Variants in RNF212B observed in about 807,000 individuals in gnomAD.
The protein encoded by RNF212B is ring finger protein 212B, also known as E3 ubiquitin-protein ligase RNF212B.
In RNF212B, 52 loss-of-function variants were observed where a neutral mutation model predicts 55.5. The ratio of observed to expected loss-of-function variants is 0.94; its 90% CI spans 0.75 to 1.18. The LOEUF (loss-of-function observed/expected upper bound fraction) is 1.18, where lower values mean the gene tolerates loss of function less well. Among genes scored for constraint, RNF212B ranks in the 50% most tolerant of loss-of-function variants. The pLI is 0.00. For synonymous variants in RNF212B, 99 were observed against 121.4 expected (o/e 0.82, Z 1.21); for missense variants, 289 against 350.4 (o/e 0.82, Z 1.40).
chr14:23,259,106 C>T (rs1259492411), intron 5 of RNF212B, among the ~76,000 whole-genome samples: 2 of 150,920 alleles, frequency 1.3e-5, no homozygotes, highest in Non-Finnish European at 1.5e-5. Flanking sequence ...GCCAGAAGAT[C>T]GTTTGAGCCC....
upstream of RNF212B, among the ~76,000 whole-genome samples, chr14:23,236,359 G>C (rs991961393): frequency 6.6e-6 from 1 of 152,080 alleles, no homozygotes; most frequent in African/African-American, 2.4e-5. Flanking sequence ...ACTAAAAATA[G>C]AAAAAATTAG....
At chr14:23,193,748 TA>T (rs1374973454) in intron 2 of RNF212B, among the ~76,000 whole-genome samples, 1 of 53,098 alleles carries the variant, frequency 1.9e-5, no homozygotes, top group Non-Finnish European at 4.3e-5. Flanking sequence ...GTAGAAGATT[TA>T]ACAAAAAAAA....
intron 2 of RNF212B, among the ~76,000 whole-genome samples, chr14:23,220,564 G>A (rs552241390): frequency 2.0e-5 from 3 of 149,624 alleles, no homozygotes; most frequent in African/African-American, 7.4e-5. Context: ...GGTGGCTCAC[G>A]CCTGTAATCC....
At chr14:23,232,781 A>AGGG (rs1424897567) in intron 2 of RNF212B, among the ~76,000 whole-genome samples, 1 of 91,338 alleles carries the variant, frequency 1.1e-5, no homozygotes, top group Admixed American at 9.4e-5. Context: ...TCTGGGAGGG[A>AGGG]GGTGGGGGGG....
At chr14:23,272,791 ACC>A in intron 14 of RNF212B, 30 bp from the exon 15 acceptor site, 1 of 1,458,158 alleles carries the variant, frequency 6.9e-7, no homozygotes, top group Non-Finnish European at 9.4e-7. Context: ...TGTTATAAAC[ACC>A]CACATCTACC....
rs1354486669 is a variant in RNF212B, at chr14:23,243,324, C to A, written c.153+16C>A. On this transcript the variant is annotated intron_variant, in intron 3 of 14. Coordinates refer to ENST00000430154, the MANE Select transcript of RNF212B (RefSeq NM_001282322.3). ...TTCTGATAATGTAAGTTTTTCTCCC[C>A]CTGCCACAAACTGTCTCATCCCATT... 5 of 1,546,576 alleles carry A rather than the reference C, an allele frequency of 3.2e-6. No homozygotes were observed. Among genetic ancestry groups the A allele is most frequent in the Middle Eastern group, 1.7e-4 (1 of 5,980 alleles).
intron 2 of RNF212B, among the ~76,000 whole-genome samples, chr14:23,195,792 T>G (rs753565351): frequency 6.6e-6 from 1 of 152,190 alleles, no homozygotes; most frequent in African/African-American, 2.4e-5. Context: ...ACAAGGAATT[T>G]CATCATGTTT....
intron 7 of RNF212B, chr14:23,261,195 T>C: frequency 3.2e-6 from 1 of 314,062 alleles, no homozygotes; most frequent in Non-Finnish European, 6.3e-6. Flanking sequence ...AGGAAGTAAC[T>C]TGTGGAATGC....
Position 23,272,426 on chromosome 14 carries a change from C to CAACA in RNF212B, c.835-375_835-372dup, listed in dbSNP as rs376451658. 2.5e-3 allele frequency: 626 copies of CAACA among 253,878 alleles called. 4 individuals carry two copies. Among genetic ancestry groups the CAACA allele is most frequent in the African/African-American group, 0.012 (499 of 42,102 alleles). The allele number at this position is 253,878 out of a possible 1,614,324, so 15.7% of individuals were successfully genotyped here. ...AGAGCGAGACTCCATCTCAAAAAAA[C>CAACA]AACAAACAAACAAACAAACAAACAA... On this transcript the variant is annotated intron_variant, in intron 14 of 14. Transcript: ENST00000430154.
intron 2 of RNF212B, among the ~76,000 whole-genome samples, chr14:23,212,650 C>T (rs1042827899): frequency 3.3e-4 from 50 of 152,028 alleles, no homozygotes; most frequent in Admixed American, 3.2e-3. Flanking sequence ...GGCGCAGTCT[C>T]GGCTCACTGC....
intron 2 of RNF212B, among the ~76,000 whole-genome samples, chr14:23,197,095 T>C (rs1878794363): frequency 6.6e-6 from 1 of 152,228 alleles, no homozygotes; most frequent in Non-Finnish European, 1.5e-5. Context: ...ATATAGGACA[T>C]GTATGTGGTA....
At chr14:23,240,267 C>T (rs377275668) in intron 1 of RNF212B, 78 bp from the exon 2 acceptor site, 58 of 948,218 alleles carry the variant, frequency 6.1e-5, no homozygotes, top group South Asian at 4.9e-4. Context: ...TAAGCAAGCA[C>T]GGTTACATAG....
At chr14:23,218,094 C>T (rs978524149) in intron 2 of RNF212B, among the ~76,000 whole-genome samples, 13 of 152,038 alleles carry the variant, frequency 8.6e-5, no homozygotes, top group Middle Eastern at 3.4e-3. Flanking sequence ...GCAGGCCAGG[C>T]GCTGTGGCTC....
intron 2 of RNF212B, among the ~76,000 whole-genome samples, chr14:23,194,734 C>CAAAAAAAAAA (rs34019946): frequency 2.7e-5 from 2 of 74,958 alleles, no homozygotes; most frequent in Non-Finnish European, 5.0e-5. Flanking sequence ...GACTCTGTCT[C>CAAAAAAAAAA]AAAAAAAAAA....
chr14:23,201,168 C>T (rs1302144818), intron 2 of RNF212B, among the ~76,000 whole-genome samples: 3 of 152,188 alleles, frequency 2.0e-5, no homozygotes, highest in African/African-American at 7.2e-5. Flanking sequence ...CATTTTAGCT[C>T]TCCATGAGTC....
intron 14 of RNF212B, among the ~76,000 whole-genome samples, chr14:23,271,241 C>T (rs1028385566): frequency 1.3e-5 from 2 of 151,960 alleles, no homozygotes; most frequent in African/African-American, 4.8e-5. Context: ...GAGTTAGAGA[C>T]CAGCCTGACC....
At chr14:23,245,850 A>C (rs183051930) in intron 4 of RNF212B, among the ~76,000 whole-genome samples, 1 of 152,246 alleles carries the variant, frequency 6.6e-6, no homozygotes, top group Non-Finnish European at 1.5e-5. Flanking sequence ...ATGAAAACAG[A>C]TTTGGTTGGT....
At chr14:23,243,182 G>A in intron 2 of RNF212B, 74 bp from the exon 3 acceptor site, 2 of 1,059,780 alleles carry the variant, frequency 1.9e-6, no homozygotes, top group Non-Finnish European at 1.4e-6. Context: ...CTAGATTGTT[G>A]CCATGTACTT....
chr14:23,192,793 T>A (rs975944022), intron 1 of RNF212B, among the ~76,000 whole-genome samples: 5 of 152,128 alleles, frequency 3.3e-5, no homozygotes, highest in Non-Finnish European at 5.9e-5. Flanking sequence ...ACCAATTTTT[T>A]AAAAATATAG....
Sources: gnomAD v4.1 joint callset for allele counts (sites outside exome capture counted in the v4.1 genomes callset) on GRCh38, gnomAD v4.1.1 for gene constraint, MANE v1.5 for transcripts, NCBI Gene and HGNC (gene_info 2026-07-23, HGNC 2026-07-21) for gene names.